HOPX: variants seen among roughly 807,000 people sequenced by gnomAD.
HOPX encodes the protein HOP homeobox.
A neutral mutation model predicts 11.8 loss-of-function variants in HOPX; 5 were observed. The observed-to-expected ratio is 0.43, with a 90% confidence interval of 0.22 to 0.89. The LOEUF (loss-of-function observed/expected upper bound fraction) is 0.89. Ranked by LOEUF, HOPX falls within the 40% of genes least tolerant of loss-of-function variation. The pLI is 0.28. For synonymous variants in HOPX, 49 were observed against 49.7 expected, an observed-to-expected ratio of 0.99 and a Z score of 0.06; for missense variants, 119 against 120.0, an observed-to-expected ratio of 0.99 and a Z score of 0.04.
chr4:56,665,334 A>G (rs559895352), intron 1 of HOPX: 5 of 152,300 alleles, frequency 3.3e-5, no homozygotes, highest in African/African-American at 4.8e-5. Context: ...GGGATGTGTC[A>G]TTTCTCATAC....
At chr4:56,681,152 G>A (rs1037761458) in intron 1 of HOPX, 103 bp downstream of exon 1, 3 of 965,920 alleles carry the variant, frequency 3.1e-6, no homozygotes, top group Non-Finnish European at 2.5e-6. Context: ...CACCTCTACC[G>A]TTTTCCAACA....
intron 1 of HOPX, among the ~76,000 whole-genome samples, chr4:56,671,569 G>T (rs183102076): frequency 1.2e-4 from 19 of 152,140 alleles, no homozygotes. Context: ...GCTGCTTGTT[G>T]CCATGCTACT....
intron 3 of HOPX, chr4:56,650,447 T>TA (rs773740332): frequency 1.5e-5 from 7 of 475,528 alleles, no homozygotes; most frequent in Non-Finnish European, 2.6e-5. Context: ...TGAAAGGGAA[T>TA]TCAGTATATA....
intron 1 of HOPX, among the ~76,000 whole-genome samples, chr4:56,669,900 T>A (rs927420752): frequency 6.6e-6 from 1 of 152,104 alleles, no homozygotes; most frequent in African/African-American, 2.4e-5. Flanking sequence ...AAGAACAACA[T>A]ATACTTAACC....
intron 3 of HOPX, among the ~76,000 whole-genome samples, chr4:56,651,873 A>AGTGTGT (rs796685500): frequency 0.01 from 1,382 of 136,698 alleles, 20 homozygotes; most frequent in Admixed American, 0.043. Flanking sequence ...AGAGAGAGAG[A>AGTGTGT]GTGTGTGTGT....
chr4:56,656,488 GCCT>G, intron 2 of HOPX: 1 of 277,314 alleles, frequency 3.6e-6, no homozygotes, highest in Non-Finnish European at 4.2e-6. Context: ...CGACTAGCCG[GCCT>G]CCGGCCTCCC....
chr4:56,669,660 A>AAATAATAAT (rs148353976), intron 1 of HOPX, among the ~76,000 whole-genome samples: 18 of 146,478 alleles, frequency 1.2e-4, no homozygotes, highest in Non-Finnish European at 1.9e-4. Flanking sequence ...CTCTGTCTCA[A>AAATAATAAT]AATAATAATA....
At chr4:56,650,539 G>A (rs574936973) in intron 3 of HOPX, 7 of 778,370 alleles carry the variant, frequency 9.0e-6, no homozygotes, top group Admixed American at 2.6e-5. Context: ...GCTTGAATGG[G>A]GGTAAGGCTC....
intron 1 of HOPX, among the ~76,000 whole-genome samples, chr4:56,670,212 T>C (rs1718661836): frequency 6.6e-6 from 1 of 152,168 alleles, no homozygotes; most frequent in South Asian, 2.1e-4. Flanking sequence ...CCTAGAGATT[T>C]CCATGGGGCA....
intron 3 of HOPX, chr4:56,650,184 A>G (rs2109450730): frequency 6.4e-6 from 1 of 155,788 alleles, no homozygotes; most frequent in Middle Eastern, 5.2e-4. Flanking sequence ...AAAATAGAGC[A>G]CCAATCATCT....
chr4:56,675,120 C>T (rs1269673504), intron 1 of HOPX, among the ~76,000 whole-genome samples: 1 of 151,496 alleles, frequency 6.6e-6, no homozygotes. Context: ...GAATGCCCGA[C>T]ATTTATACTG....
chr4:56,658,583 CT>C (rs1717924230), intron 1 of HOPX, among the ~76,000 whole-genome samples: 1 of 152,220 alleles, frequency 6.6e-6, no homozygotes, highest in Admixed American at 6.5e-5. Context: ...CAAATGTTTG[CT>C]GTTACTTCGT....
chr4:56,672,789 C>A (rs1160240500), intron 1 of HOPX: 3 of 151,772 alleles, frequency 2.0e-5, no homozygotes, highest in Admixed American at 1.3e-4. Context: ...GCCACCGCAC[C>A]CAGCCTGACT....
intron 1 of HOPX, among the ~76,000 whole-genome samples, chr4:56,658,222 C>G (rs1466293355): frequency 6.6e-6 from 1 of 152,192 alleles, no homozygotes; most frequent in Non-Finnish European, 1.5e-5. Flanking sequence ...TCTGCTTATA[C>G]TTTCCCCTCT....
intron 1 of HOPX, among the ~76,000 whole-genome samples, chr4:56,674,024 G>C (rs1016375239): frequency 2.0e-5 from 3 of 151,434 alleles, no homozygotes; most frequent in Non-Finnish European, 2.9e-5. Flanking sequence ...CTATTGTTTA[G>C]TCAACTATTG....
At position 56,669,699 on chromosome 4, in the gene HOPX, T is replaced by C. The variant is rs1053073147; in HGVS notation, c.-84+11556A>G. 5.1e-4 allele frequency among the ~76,000 whole-genome samples: 61 copies of C among 120,070 alleles called. 1 individual carries two copies. The highest frequency in any genetic ancestry group is 1.8e-3 in the African/African-American group (58 of 32,278). The allele number at this position is 120,070 out of a possible 152,430, so 78.8% of individuals were successfully genotyped here. A position where few individuals can be genotyped will look rare whatever the true frequency, so the allele number is the denominator to read the frequency against. Reference sequence around the variant, plus strand: ...ATAATAATAATAATAATAATAATAATAATAACACCAGTACAACAGGCATAC... The same window carrying C: ...ATAATAATAATAATAATAATAATAACAATAACACCAGTACAACAGGCATAC... On this transcript the variant is annotated intron_variant, in intron 1 of 3. Coordinates refer to ENST00000420433, the MANE Select transcript of HOPX (RefSeq NM_032495.6).
chr4:56,678,515 C>T (rs190371475), intron 1 of HOPX, among the ~76,000 whole-genome samples: 2 of 145,146 alleles, frequency 1.4e-5, no homozygotes, highest in Admixed American at 6.8e-5. Flanking sequence ...GCACGATCTC[C>T]GCTCACTGCA....
chr4:56,655,655 C>T (rs1195866401), intron 3 of HOPX, among the ~76,000 whole-genome samples: 6 of 152,146 alleles, frequency 3.9e-5, no homozygotes, highest in African/African-American at 1.4e-4. Flanking sequence ...GGCGGGGAGA[C>T]CGGGCGCCCA....
rs1449125440 is a variant in HOPX at position 56,651,883 on chromosome 4, T to A, written c.199-3086A>T. ...AAGAGAGAGAGAGAGAGTGTGTGTG[T>A]GTGTGTGTGTGTGTGTGTGTGTGTG... On this transcript the variant is annotated intron_variant, in intron 3 of 3. Transcript: ENST00000420433. Among the ~76,000 whole-genome samples the A allele has an allele frequency of 8.7e-4, 128 of 147,608 alleles. No individual in the cohort carries two copies. In the East Asian group the frequency reaches 0.011, roughly 12 times the overall value.
Sources: gnomAD v4.1 joint callset for allele counts (sites outside exome capture counted in the v4.1 genomes callset) on GRCh38, gnomAD v4.1.1 for gene constraint, MANE v1.5 for transcripts, NCBI Gene and HGNC (gene_info 2026-07-23, HGNC 2026-07-21) for gene names.